NBEAL1: variants seen among roughly 807,000 people sequenced by gnomAD.
NBEAL1 encodes the protein neurobeachin-like protein 1.
A neutral mutation model predicts 351.3 loss-of-function variants in NBEAL1; 273 were observed. The observed-to-expected ratio is 0.78, with a 90% confidence interval of 0.70 to 0.86. The LOEUF (loss-of-function observed/expected upper bound fraction) is 0.86. NBEAL1 is among the 40% of genes least tolerant of loss of function. The pLI, the probability that NBEAL1 is intolerant of heterozygous loss-of-function variation, is 0.00. For synonymous variants in NBEAL1, 1,050 were observed against 1,086.4 expected (o/e 0.97, Z 0.66); for missense variants, 2,961 against 3,201.3 (o/e 0.92, Z 1.81).
chr2:203,112,755 A>G (rs1005604935), intron 16 of NBEAL1, among the ~76,000 whole-genome samples: 3 of 152,240 alleles, frequency 2.0e-5, no homozygotes, highest in African/African-American at 7.2e-5. Context: ...CACTTTAAAA[A>G]TTCAAAAATT....
intron 8 of NBEAL1, among the ~76,000 whole-genome samples, chr2:203,080,118 A>C (rs1418803728): frequency 6.6e-6 from 1 of 152,192 alleles, no homozygotes; most frequent in East Asian, 1.9e-4. Context: ...TCTGAGTTTA[A>C]GAGTTTCCTG....
chr2:203,145,201 T>A, intron 33 of NBEAL1, 41 bp downstream of exon 33: 1 of 1,561,798 alleles, frequency 6.4e-7, no homozygotes, highest in Non-Finnish European at 8.7e-7. Context: ...TTCTTGTTGA[T>A]TTTAGGCATT....
chr2:203,145,161 G>A lies in NBEAL1; in HGVS notation c.5304+1G>A. The stretch of plus-strand genomic sequence containing the variant: ...AGGGGAAAGCAAGCTCAAATTTCAG[G>A]TAAAAAGTAAATGTTTTAATATCTA... On this transcript the variant is annotated splice_donor_variant, in intron 33 of 55. Coordinates refer to ENST00000683969, the MANE Select transcript of NBEAL1 (RefSeq NM_001378026.1). LOFTEE classifies it high-confidence loss of function. The A allele has an allele frequency of 6.2e-7, 1 of 1,602,164 alleles. No individual in the cohort carries two copies. Among genetic ancestry groups the A allele is most frequent in the Non-Finnish European group, 8.5e-7 (1 of 1,176,424 alleles).
chr2:203,090,953 GAGAAAGGAAAGGA>G (rs1385465033), intron 10 of NBEAL1, among the ~76,000 whole-genome samples: 1 of 151,748 alleles, frequency 6.6e-6, no homozygotes, highest in East Asian at 1.9e-4. Flanking sequence ...GAAGGGAAGG[GAGAAAGGAAAGGA>G]AGAAAGGAAA....
chr2:203,070,359 CT>C (rs34588218), intron 7 of NBEAL1, among the ~76,000 whole-genome samples: 37,109 of 92,510 alleles, frequency 0.4, 4,706 homozygotes, highest in Middle Eastern at 0.52. Flanking sequence ...CTCTCTCTCT[CT>C]TTTTTTTTTT....
intron 6 of NBEAL1, among the ~76,000 whole-genome samples, chr2:203,064,207 C>T (rs2061544879): frequency 6.6e-6 from 1 of 152,132 alleles, no homozygotes; most frequent in African/African-American, 2.4e-5. Flanking sequence ...GCGTGCACCA[C>T]CATGCCCAGC....
rs918474341 is a variant in NBEAL1, at chr2:203,038,621, G to T, written c.52-3144G>T. ...CCCTGAGAATATTTTCAGCCAGTGT[G>T]GTTTGTCTTTCCATTTTCTTTTTTC... On this transcript the variant is annotated intron_variant, in intron 2 of 55. Coordinates refer to ENST00000683969, the MANE Select transcript of NBEAL1 (RefSeq NM_001378026.1). Among the ~76,000 whole-genome samples, 5 of 148,858 alleles carry T rather than the reference G, an allele frequency of 3.4e-5. 1 individual carries two copies. The highest frequency in any genetic ancestry group is 7.5e-5 in the Non-Finnish European group (5 of 66,462).
chr2:203,193,776 C>T lies in NBEAL1; in HGVS notation c.6922-19C>T, dbSNP rs200802040. 1,050 of 1,553,390 alleles carry T rather than the reference C, an allele frequency of 6.8e-4. 2 individuals carry two copies. Among genetic ancestry groups the T allele is most frequent in the Middle Eastern group, 1.4e-3 (8 of 5,884 alleles). The stretch of plus-strand genomic sequence containing the variant: ...ATAACATAGATATGGAATTGTTTTT[C>T]CTTAAAATTATTTTGAAGGAACCAC... On this transcript the variant is annotated intron_variant, in intron 46 of 55. Coordinates refer to ENST00000683969, the MANE Select transcript of NBEAL1 (RefSeq NM_001378026.1).
chr2:203,146,507 A>G (rs2063517212), intron 33 of NBEAL1, among the ~76,000 whole-genome samples: 1 of 152,162 alleles, frequency 6.6e-6, no homozygotes, highest in Non-Finnish European at 1.5e-5. Context: ...AAAATAATAC[A>G]TTAGATCAAG....
chr2:203,148,047 A>G (rs1282897800), intron 33 of NBEAL1, among the ~76,000 whole-genome samples: 2 of 151,998 alleles, frequency 1.3e-5, no homozygotes, highest in Admixed American at 1.3e-4. Flanking sequence ...TTTCTCAGCA[A>G]TGATCTGTTT....
In NBEAL1 at chr2:203,057,293, A is replaced by G. The variant is rs753403475; in HGVS notation, c.388-33A>G. 47 of 1,523,718 alleles carry G rather than the reference A, an allele frequency of 3.1e-5. No homozygotes were observed. The South Asian group carries it at 4.3e-4, about 14-fold the overall frequency. 94.4% of individuals were successfully genotyped at this position (1,523,718 alleles called of 1,614,324 possible). A position where few individuals can be genotyped will look rare whatever the true frequency, so the allele number is the denominator to read the frequency against. On this transcript the variant is annotated intron_variant, in intron 5 of 55. Coordinates refer to ENST00000683969, the MANE Select transcript of NBEAL1 (RefSeq NM_001378026.1). ...CTTATTGTTAGATGATAAGTAAGGC[A>G]TGTCTTTAATTTATGTTTAACTTTG...
Position 203,116,065 on chromosome 2 carries a change from G to A in NBEAL1, c.2587G>A (p.Ala863Thr). The change falls in exon 18 of 56, where the codon GCA becomes ACA. Residue 863 changes from alanine to threonine, a missense_variant. Coordinates refer to ENST00000683969, the MANE Select transcript of NBEAL1 (RefSeq NM_001378026.1). Reference protein sequence around the residue: ...LPGNILLYYTAKACKNSICLD... With the variant: ...LPGNILLYYTTKACKNSICLD... ...TGGTAACATCCTTCTTTACTACACA[G>A]CAAAGGTCAGAGTAAATTTGTGAAC... 1.3e-6 allele frequency: 2 copies of A among 1,551,328 alleles called. No homozygotes were observed. The highest frequency in any genetic ancestry group is 1.7e-6 in the Non-Finnish European group (2 of 1,145,758).
intron 2 of NBEAL1, among the ~76,000 whole-genome samples, chr2:203,033,435 A>G (rs950475587): frequency 6.6e-6 from 1 of 152,256 alleles, no homozygotes; most frequent in Non-Finnish European, 1.5e-5. Context: ...TATCCATTAC[A>G]TAACATCTTG....
In NBEAL1 at chr2:203,132,069, C is replaced by T; in HGVS notation, c.3661C>T (p.Leu1221Phe). The T allele has an allele frequency of 1.3e-6, 2 of 1,551,616 alleles. No individual in the cohort carries two copies. The highest frequency in any genetic ancestry group is 2.0e-5 in the Admixed American group (1 of 50,926). ...EVGYSGLGLL[L>F]NEALVNTSLI... ...TGGCTACTCGGGACTGGGACTCCTTCTTAATGAAGCACTTGTTAATACTTC... is the reference window on the plus strand; with the variant it reads ...TGGCTACTCGGGACTGGGACTCCTTTTTAATGAAGCACTTGTTAATACTTC... Residue 1221 changes from leucine to phenylalanine, a missense_variant, in exon 26 of 56, where the codon CTT becomes TTT. Transcript: ENST00000683969.
intron 25 of NBEAL1, among the ~76,000 whole-genome samples, chr2:203,130,881 T>C (rs1213026100): frequency 6.6e-6 from 1 of 152,230 alleles, no homozygotes; most frequent in African/African-American, 2.4e-5. Context: ...GTGGGTATTA[T>C]TACTATTATC....
rs1455106169 is a variant in NBEAL1, at chr2:203,180,522, A to G, written c.6595+10A>G. On this transcript the variant is annotated intron_variant, in intron 43 of 55. Transcript: ENST00000683969. ...TTGGAAAATCAAAATCGTAAGAAAT[A>G]GAGGATTAAAAATTTGACTAGCAGG... 6.3e-7 allele frequency: 1 copy of G among 1,597,428 alleles called. No individual in the cohort carries two copies. The highest frequency in any genetic ancestry group is 8.5e-7 in the Non-Finnish European group (1 of 1,173,638).
chr2:203,071,540 C>A (rs1289654837), intron 7 of NBEAL1, among the ~76,000 whole-genome samples: 5 of 152,190 alleles, frequency 3.3e-5, no homozygotes, highest in Non-Finnish European at 5.9e-5. Flanking sequence ...CTTGCCCCCC[C>A]ATTCATGTAC....
intron 10 of NBEAL1, among the ~76,000 whole-genome samples, chr2:203,096,859 A>G (rs1001795420): frequency 2.0e-5 from 3 of 152,238 alleles, no homozygotes; most frequent in Admixed American, 6.5e-5. Context: ...TTCCTTAACT[A>G]TAGAACCATA....
chr2:203,112,625 G>T (rs2062599268), intron 16 of NBEAL1, among the ~76,000 whole-genome samples: 1 of 152,002 alleles, frequency 6.6e-6, no homozygotes, highest in South Asian at 2.1e-4. Context: ...TTTTTTGTTG[G>T]TTTTCATCTC....
Sources: allele counts gnomAD v4.1 joint callset (sites outside exome capture counted in the v4.1 genomes callset), GRCh38; gene constraint gnomAD v4.1.1; transcripts MANE v1.5; gene names NCBI Gene and HGNC (gene_info 2026-07-23, HGNC 2026-07-21).